SEMA5A: variants seen among roughly 807,000 people sequenced by gnomAD.
SEMA5A encodes semaphorin 5A, also known as semaphorin-5A.
Under a neutral mutation model 135.5 loss-of-function variants are expected in SEMA5A, and 55 were observed. That is an observed-to-expected ratio of 0.41 (90% CI 0.33 to 0.51). The LOEUF (loss-of-function observed/expected upper bound fraction) is 0.51. Among genes scored for constraint, SEMA5A ranks in the 20% least tolerant of loss-of-function variants. SEMA5A has a pLI of 0.37. For missense variants in SEMA5A, 1,290 were observed against 1,419.9 expected (o/e 0.91, Z 1.47); for synonymous variants, 580 against 546.5 (o/e 1.06, Z -0.85).
At chr5:9,112,375 T>G (rs894722060) in intron 15 of SEMA5A, among the ~76,000 whole-genome samples, 27 of 152,324 alleles carry the variant, frequency 1.8e-4, no homozygotes, top group African/African-American at 6.5e-4. Flanking sequence ...TCCATTCTGG[T>G]TAGATCCATG....
chr5:9,348,025 C>T (rs1416754503), intron 3 of SEMA5A, among the ~76,000 whole-genome samples: 1 of 152,152 alleles, frequency 6.6e-6, no homozygotes, highest in African/African-American at 2.4e-5. Flanking sequence ...TGTCAAATCT[C>T]AGGATCTAAA....
intron 5 of SEMA5A, among the ~76,000 whole-genome samples, chr5:9,244,529 G>A (rs368013960): frequency 8.5e-5 from 13 of 152,222 alleles, no homozygotes; most frequent in South Asian, 6.2e-4. Context: ...ACCCTATGTA[G>A]CCATATATGT....
At chr5:9,468,778 T>C (rs190979785) in intron 1 of SEMA5A, among the ~76,000 whole-genome samples, 13 of 152,358 alleles carry the variant, frequency 8.5e-5, no homozygotes, top group Admixed American at 8.5e-4. Flanking sequence ...CAACACCAGA[T>C]AAACATCCCT....
At chr5:9,282,131 C>A (rs140052365) in intron 5 of SEMA5A, among the ~76,000 whole-genome samples, 33 of 152,104 alleles carry the variant, frequency 2.2e-4, no homozygotes, top group African/African-American at 7.7e-4. Context: ...TTAAGTAAAG[C>A]GAGAGACAGT....
At chr5:9,460,306 T>G (rs1048570943) in intron 1 of SEMA5A, among the ~76,000 whole-genome samples, 28 of 152,174 alleles carry the variant, frequency 1.8e-4, no homozygotes, top group Non-Finnish European at 3.5e-4. Flanking sequence ...CAGAAATACA[T>G]TTAATATTGT....
chr5:9,132,453 C>T (rs1005100797), intron 13 of SEMA5A, among the ~76,000 whole-genome samples: 2 of 152,192 alleles, frequency 1.3e-5, no homozygotes, highest in African/African-American at 4.8e-5. Context: ...CTCTTGCCCT[C>T]CCAACTTCTT....
At chr5:9,189,476 G>A (rs40700) in intron 11 of SEMA5A, among the ~76,000 whole-genome samples, 79,872 of 151,250 alleles carry the variant, frequency 0.53, 21,204 homozygotes, top group East Asian at 0.7. Context: ...GAAAAAAAAT[G>A]TATATTATTA....
At chr5:9,449,932 T>C (rs1355508518) in intron 1 of SEMA5A, among the ~76,000 whole-genome samples, 4 of 152,200 alleles carry the variant, frequency 2.6e-5, no homozygotes. Context: ...TCAATCCTCC[T>C]TAGGAGGTTT....
intron 8 of SEMA5A, among the ~76,000 whole-genome samples, chr5:9,219,051 A>C (rs1266323833): frequency 2.0e-5 from 3 of 152,242 alleles, no homozygotes; most frequent in South Asian, 2.1e-4. Context: ...AGTGATCTGC[A>C]GTATGCAGAT....
In SEMA5A at chr5:9,218,012, CA is replaced by C. The variant is rs539394345; in HGVS notation, c.646+6661del. 1.1e-4 allele frequency among the ~76,000 whole-genome samples: 17 copies of C among 152,048 alleles called. No homozygotes were observed. The South Asian group carries it at 3.5e-3, about 32-fold the overall frequency. On this transcript the variant is annotated intron_variant, in intron 8 of 22. Transcript: ENST00000382496. ...GGTAAATGAAGAGAACTTATGAACA[CA>C]AAGAAGGAAACAAAGAACACTGGGG...
At chr5:9,409,091 A>C (rs1757009626) in intron 2 of SEMA5A, among the ~76,000 whole-genome samples, 1 of 152,202 alleles carries the variant, frequency 6.6e-6, no homozygotes, top group African/African-American at 2.4e-5. Flanking sequence ...AGCAGAGTTG[A>C]AACTAAAACC....
At chr5:9,257,206 C>T (rs1023748236) in intron 5 of SEMA5A, among the ~76,000 whole-genome samples, 6 of 152,284 alleles carry the variant, frequency 3.9e-5, no homozygotes, top group Middle Eastern at 3.4e-3. Flanking sequence ...TGGCAATAAT[C>T]CAGAGAATGA....
rs546393527 is a variant in SEMA5A at position 9,267,635 on chromosome 5, C to G, written c.271-29745G>C. ...TTTCTCAGATAAAAGGCATCTGATT[C>G]CTCTGACTGCCCTGGTCTCTTTCTT... On this transcript the variant is annotated intron_variant, in intron 5 of 22. Transcript: ENST00000382496. Among the ~76,000 whole-genome samples, 7 of 152,206 alleles carry G rather than the reference C, an allele frequency of 4.6e-5. No homozygotes were observed. The South Asian group carries it at 1.5e-3, about 32-fold the overall frequency.
chr5:9,474,675 A>G (rs1359390012), intron 1 of SEMA5A, among the ~76,000 whole-genome samples: 2 of 152,186 alleles, frequency 1.3e-5, no homozygotes, highest in Non-Finnish European at 2.9e-5. Flanking sequence ...CCATTGTCAG[A>G]GTAGAAATGG....
intron 2 of SEMA5A, among the ~76,000 whole-genome samples, chr5:9,398,230 G>A (rs1191347667): frequency 6.6e-6 from 1 of 152,140 alleles, no homozygotes; most frequent in East Asian, 1.9e-4. Flanking sequence ...ATATCCAGAA[G>A]CCTAGAAAAA....
At chr5:9,044,976 G>A (rs933957217) in intron 21 of SEMA5A, among the ~76,000 whole-genome samples, 6 of 151,930 alleles carry the variant, frequency 3.9e-5, no homozygotes, top group Non-Finnish European at 7.4e-5. Context: ...GTAGAGATGG[G>A]GTTTCTCCAT....
intron 5 of SEMA5A, among the ~76,000 whole-genome samples, chr5:9,305,767 TAC>T (rs1751841168): frequency 6.8e-6 from 1 of 147,296 alleles, no homozygotes; most frequent in African/African-American, 2.6e-5. Context: ...TATATACACA[TAC>T]ATACATATAC....
intron 8 of SEMA5A, among the ~76,000 whole-genome samples, chr5:9,216,241 C>A (rs753380820): frequency 6.6e-6 from 1 of 152,168 alleles, no homozygotes; most frequent in Non-Finnish European, 1.5e-5. Context: ...TCATTGTTTA[C>A]ACAAAAGTCA....
intron 8 of SEMA5A, among the ~76,000 whole-genome samples, chr5:9,218,624 C>G (rs2150402214): frequency 6.6e-6 from 1 of 152,274 alleles, no homozygotes; most frequent in South Asian, 2.1e-4. Context: ...CTTTCCTCAA[C>G]ACAAAAATGT....
Sources: allele counts gnomAD v4.1 joint callset (sites outside exome capture counted in the v4.1 genomes callset), GRCh38; gene constraint gnomAD v4.1.1; transcripts MANE v1.5; gene names NCBI Gene and HGNC (gene_info 2026-07-23, HGNC 2026-07-21).